Variants in TMEM135 observed in about 807,000 individuals in gnomAD.
TMEM135 encodes the protein peroxisomal membrane protein 52.
TMEM135 carries 30 observed loss-of-function variants against 60.3 expected under a neutral mutation model. The observed-to-expected ratio is 0.50, with a 90% CI of 0.37 to 0.68. The LOEUF (loss-of-function observed/expected upper bound fraction) is 0.68. TMEM135 is among the 30% of genes least tolerant of loss of function. TMEM135 has a pLI of 0.00. For missense variants in TMEM135, 468 were observed against 548.8 expected (o/e 0.85, Z 1.47); for synonymous variants, 190 against 186.7 (o/e 1.02, Z -0.14).
chr11:87,224,226 G>A (rs1407174032), intron 5 of TMEM135, among the ~76,000 whole-genome samples: 1 of 152,100 alleles, frequency 6.6e-6, no homozygotes, highest in African/African-American at 2.4e-5. Context: ...TTATGTATTG[G>A]GATTAAACTG....
At chr11:87,256,401 A>C (rs766552328) in intron 6 of TMEM135, among the ~76,000 whole-genome samples, 1 of 152,200 alleles carries the variant, frequency 6.6e-6, no homozygotes, top group Non-Finnish European at 1.5e-5. Flanking sequence ...GCGGTTCGCT[A>C]TGAAAAGATG....
intron 7 of TMEM135, among the ~76,000 whole-genome samples, chr11:87,298,352 C>G (rs1942383925): frequency 6.6e-6 from 1 of 152,282 alleles, no homozygotes; most frequent in East Asian, 1.9e-4. Flanking sequence ...TTATCTCATA[C>G]AGATCATAAT....
chr11:87,146,479 C>T (rs1036383928), intron 4 of TMEM135, among the ~76,000 whole-genome samples: 4 of 152,042 alleles, frequency 2.6e-5, no homozygotes, highest in East Asian at 1.9e-4. Context: ...TGGCCTTAAG[C>T]GATCCTCCTA....
chr11:87,127,669 C>T (rs1937774996), intron 4 of TMEM135, among the ~76,000 whole-genome samples: 1 of 152,186 alleles, frequency 6.6e-6, no homozygotes, highest in Admixed American at 6.5e-5. Context: ...TTAAAGACAA[C>T]AGCAAGTTTG....
intron 4 of TMEM135, chr11:87,095,728 G>C (rs1273065372): frequency 6.5e-6 from 1 of 153,862 alleles, no homozygotes; most frequent in African/African-American, 2.4e-5. Context: ...TGTAATCCCA[G>C]CACTTTGGAA....
chr11:87,253,783 C>G (rs531019736), intron 6 of TMEM135, among the ~76,000 whole-genome samples: 5 of 150,930 alleles, frequency 3.3e-5, no homozygotes, highest in African/African-American at 1.2e-4. Flanking sequence ...AATCTTATTT[C>G]TAAGTTACAA....
chr11:87,186,850 T>A (rs1939667226), intron 5 of TMEM135, among the ~76,000 whole-genome samples: 1 of 152,054 alleles, frequency 6.6e-6, no homozygotes, highest in Admixed American at 6.6e-5. Context: ...TTAAAATTGG[T>A]GGAGGAATGA....
chr11:87,258,192 G>A (rs1339163951), intron 6 of TMEM135, among the ~76,000 whole-genome samples: 1 of 90,212 alleles, frequency 1.1e-5, no homozygotes, highest in Non-Finnish European at 2.5e-5. Context: ...TTGGGGAAAA[G>A]CCTTTTTTTT....
chr11:87,194,117 A>AT (rs1018375942), intron 5 of TMEM135, among the ~76,000 whole-genome samples: 2 of 152,138 alleles, frequency 1.3e-5, no homozygotes, highest in African/African-American at 4.8e-5. Context: ...CTTTTAATGG[A>AT]TTTTACTTCC....
At chr11:87,309,803 C>T in intron 10 of TMEM135, 131 bp downstream of exon 10, 1 of 945,678 alleles carries the variant, frequency 1.1e-6, no homozygotes, top group Non-Finnish European at 1.6e-6. Context: ...TTGACATAAC[C>T]AAATCTATAC....
At chr11:87,254,650 A>G (rs1457882754) in intron 6 of TMEM135, among the ~76,000 whole-genome samples, 1 of 152,218 alleles carries the variant, frequency 6.6e-6, no homozygotes, top group Admixed American at 6.5e-5. Context: ...ATAGAAACAA[A>G]TAATATTTAT....
chr11:87,064,282 A>G (rs1856602208), intron 1 of TMEM135, among the ~76,000 whole-genome samples: 1 of 150,022 alleles, frequency 6.7e-6, no homozygotes. Context: ...TTTTTTACAC[A>G]AAGTATTGAA....
chr11:87,102,730 A>ATATATGTATATATATGTATATATATATG (rs1857491026), intron 4 of TMEM135, among the ~76,000 whole-genome samples: 4 of 109,742 alleles, frequency 3.6e-5, no homozygotes, highest in Non-Finnish European at 6.0e-5. Context: ...ATATATATGT[A>ATATATGTATATATATGTATATATATATG]TATATATATG....
At chr11:87,173,762 CAG>C (rs1185600826) in intron 5 of TMEM135, among the ~76,000 whole-genome samples, 11 of 152,054 alleles carry the variant, frequency 7.2e-5, no homozygotes, top group Admixed American at 7.2e-4. Context: ...TAATAAAAGA[CAG>C]AGTTTTGATA....
At chr11:87,045,295 G>C (rs1949786113) in intron 1 of TMEM135, among the ~76,000 whole-genome samples, 1 of 152,158 alleles carries the variant, frequency 6.6e-6, no homozygotes, top group Admixed American at 6.5e-5. Context: ...CTCCCAAAGT[G>C]CTGGGATTAC....
At chr11:87,109,077 A>G (rs1857675237) in intron 4 of TMEM135, among the ~76,000 whole-genome samples, 1 of 152,148 alleles carries the variant, frequency 6.6e-6, no homozygotes, top group Non-Finnish European at 1.5e-5. Flanking sequence ...AGAGAGTACA[A>G]AGGAACACAA....
At chr11:87,101,421 T>A (rs1857453974) in intron 4 of TMEM135, among the ~76,000 whole-genome samples, 2 of 152,334 alleles carry the variant, frequency 1.3e-5, no homozygotes, top group South Asian at 4.1e-4. Context: ...AAATGTGATG[T>A]CAAATGTAGT....
At chr11:87,082,995 T>C (rs79096904) in intron 3 of TMEM135, among the ~76,000 whole-genome samples, 21,291 of 152,246 alleles carry the variant, frequency 0.14, 1,584 homozygotes, top group Non-Finnish European at 0.16. Flanking sequence ...TATAAATACA[T>C]AGATAAAGAT....
chr11:87,308,434 T>C (rs1327331508), intron 9 of TMEM135, among the ~76,000 whole-genome samples: 1 of 152,198 alleles, frequency 6.6e-6, no homozygotes, highest in Admixed American at 6.5e-5. Flanking sequence ...TTGGACAATT[T>C]GATTTTGTGT....
Sources: allele counts gnomAD v4.1 joint callset (sites outside exome capture counted in the v4.1 genomes callset), GRCh38; gene constraint gnomAD v4.1.1; transcripts MANE v1.5; gene names NCBI Gene and HGNC (gene_info 2026-07-23, HGNC 2026-07-21).